Variants in LHX9 observed in about 807,000 individuals in gnomAD.
LHX9 encodes the protein LIM/homeobox protein Lhx9.
Under a neutral mutation model 36.5 loss-of-function variants are expected in LHX9, and 9 were observed. The observed-to-expected ratio is 0.25, with a 90% CI of 0.15 to 0.43. LHX9 has a LOEUF of 0.43. Among genes scored for constraint, LHX9 ranks in the 20% least tolerant of loss-of-function variants. LHX9 has a pLI of 1.00. For synonymous variants in LHX9, 211 were observed against 212.1 expected (o/e 0.99, Z 0.04); for missense variants, 464 against 526.4 (o/e 0.88, Z 1.16).
At chr1:197,912,798 C>T, upstream of LHX9, 1 of 569,374 alleles carries the variant, frequency 1.8e-6, no homozygotes, top group Non-Finnish European at 3.1e-6. Flanking sequence ...TTTGACTTTC[C>T]TCAGGATCAG....
At chr1:197,922,015 A>G (rs1342597517) in intron 3 of LHX9, among the ~76,000 whole-genome samples, 1 of 152,012 alleles carries the variant, frequency 6.6e-6, no homozygotes, top group Non-Finnish European at 1.5e-5. Flanking sequence ...TGTGGAGGCC[A>G]AATTATAGAT....
chr1:197,929,483 G>A lies in LHX9; in HGVS notation c.*224G>A. On this transcript the variant is annotated 3_prime_UTR_variant, in exon 5 of 5. Transcript: ENST00000367387. ...ATATTTTGTCTACAAAGTGTATTTG[G>A]ATTTAAAAAAATTAATTAGGTCTTT... 1 of 1,027,006 alleles carries A rather than the reference G, an allele frequency of 9.7e-7. No homozygotes were observed. Among genetic ancestry groups the A allele is most frequent in the Non-Finnish European group, 1.2e-6 (1 of 853,158 alleles). 63.6% of individuals were successfully genotyped at this position (1,027,006 alleles called of 1,614,324 possible).
intron 1 of LHX9, chr1:197,918,334 T>A (rs778835204): frequency 2.8e-6 from 2 of 717,360 alleles, no homozygotes; most frequent in East Asian, 2.7e-5. Context: ...CCGGCGAGGA[T>A]CCGCAGCTCC....
chr1:197,924,103 C>T (rs893393693), intron 3 of LHX9, among the ~76,000 whole-genome samples: 7 of 152,226 alleles, frequency 4.6e-5, no homozygotes, highest in African/African-American at 9.6e-5. Context: ...ACAGTGCTTG[C>T]GAATCTGATG....
chr1:197,927,656 A>C lies in LHX9; in HGVS notation c.799A>C (p.Thr267Pro). 1.2e-6 allele frequency: 2 copies of C among 1,614,180 alleles called. No individual in the cohort carries two copies. Among genetic ancestry groups the C allele is most frequent in the Non-Finnish European group, 1.7e-6 (2 of 1,180,028 alleles). The change falls in exon 4 of 5, where the codon ACC becomes CCC. Residue 267 changes from threonine to proline, a missense_variant. Coordinates refer to ENST00000367387, the MANE Select transcript of LHX9 (RefSeq NM_020204.3). ...GCAGCCTTATCCACCCTCGCAGAAG[A>C]CCAAGCGCATGCGAACCTCTTTCAA... Reference protein sequence around the residue: ...DQQPYPPSQKTKRMRTSFKHH... With the variant: ...DQQPYPPSQKPKRMRTSFKHH...
At chr1:197,922,516 C>T (rs1048033738) in intron 3 of LHX9, among the ~76,000 whole-genome samples, 2 of 152,198 alleles carry the variant, frequency 1.3e-5, no homozygotes, top group Non-Finnish European at 2.9e-5. Flanking sequence ...AGCCTGCCCC[C>T]ACTCCCCATC....
In LHX9 at chr1:197,920,015, G is replaced by A; in HGVS notation, c.218G>A (p.Gly73Asp). The A allele has an allele frequency of 6.2e-7, 1 of 1,614,222 alleles. No individual in the cohort carries two copies. The highest frequency in any genetic ancestry group is 8.5e-7 in the Non-Finnish European group (1 of 1,180,052). Residue 73 changes from glycine to aspartate, a missense_variant, in exon 2 of 5, where the codon GGC becomes GAC. Gly to Asp is a moderately conservative substitution (Grantham distance 94). This residue lies in a region of LHX9 where 93 missense variants were observed against 150.3 expected (regional missense o/e 0.62). Transcript: ENST00000367387. ...CCGGAGAAGCCCGCCCTGTGCGCCG[G>A]CTGCGGGGGCAAGATCTCGGACAGG... is the stretch of plus-strand genomic sequence containing the variant. ...LSPEKPALCA[G>D]CGGKISDRYY...
At position 197,932,143 on chromosome 1, in the gene LHX9, A is replaced by G; in HGVS notation, c.*2884A>G. 1.9e-6 allele frequency: 1 copy of G among 539,044 alleles called. No individual in the cohort carries two copies. The highest frequency in any genetic ancestry group is 3.3e-6 in the Non-Finnish European group (1 of 303,616). The allele number at this position is 539,044 out of a possible 1,614,324, so 33.4% of individuals were successfully genotyped here. ...AATGTTAACGAAACTTGTGTTCTTT[A>G]TGGTGTCTAACACAACTGAAGGCCT... On this transcript the variant is annotated 3_prime_UTR_variant, in exon 5 of 5. Coordinates refer to ENST00000367387, the MANE Select transcript of LHX9 (RefSeq NM_020204.3).
At position 197,932,176 on chromosome 1, in the gene LHX9, T is replaced by C; in HGVS notation, c.*2917T>C. ...TAACACAACTGAAGGCCTAAAATTATGTGGTTTAAACAAAATTAGATAAAC... is the reference window on the plus strand; with the variant it reads ...TAACACAACTGAAGGCCTAAAATTACGTGGTTTAAACAAAATTAGATAAAC... On this transcript the variant is annotated 3_prime_UTR_variant, in exon 5 of 5. Transcript: ENST00000367387. The C allele has an allele frequency of 2.3e-6, 1 of 437,470 alleles. No individual in the cohort carries two copies. Among genetic ancestry groups the C allele is most frequent in the Non-Finnish European group, 4.1e-6 (1 of 244,322 alleles). 27.1% of individuals were successfully genotyped at this position (437,470 alleles called of 1,614,324 possible).
intron 4 of LHX9, among the ~76,000 whole-genome samples, chr1:197,928,527 A>T (rs1660217023): frequency 6.6e-6 from 1 of 152,212 alleles, no homozygotes; most frequent in African/African-American, 2.4e-5. Flanking sequence ...TGTGAAGAAT[A>T]TATACCGTGT....
At position 197,918,013 on chromosome 1, in the gene LHX9, G is replaced by C. The variant is rs1243711522; in HGVS notation, c.174+16G>C. 1 of 1,604,408 alleles carries C rather than the reference G, an allele frequency of 6.2e-7. No individual in the cohort carries two copies. The highest frequency in any genetic ancestry group is 1.7e-5 in the Admixed American group (1 of 57,538). ...CCGCGACGCGGTAAGGAAGGGCTCCGCCGCGGCGGTAGCCGGGCACCCCTG... is the reference window on the plus strand; with the variant it reads ...CCGCGACGCGGTAAGGAAGGGCTCCCCCGCGGCGGTAGCCGGGCACCCCTG... On this transcript the variant is annotated intron_variant, in intron 1 of 4. Coordinates refer to ENST00000367387, the MANE Select transcript of LHX9 (RefSeq NM_020204.3).
rs1478252562 is a variant in LHX9 at position 197,921,391 on chromosome 1, C to T, written c.465C>T (p.His155=). Residue 155 remains histidine, a synonymous_variant, in exon 3 of 5, where the codon CAC becomes CAT. Transcript: ENST00000367387. The surrounding 1 kb of genome is among the most constrained non-coding windows in gnomAD (Gnocchi z 4.6). ...TGCGCGCCCGAGACTCTGTCTACCA[C>T]CTGAGCTGCTTCACCTGCTCCACTT... ...MVMRARDSVY[H]LSCFTCSTCN... 4.3e-6 allele frequency: 7 copies of T among 1,614,236 alleles called. No homozygotes were observed. The highest frequency in any genetic ancestry group is 5.9e-6 in the Non-Finnish European group (7 of 1,180,052).
chr1:197,917,415 C>T lies in LHX9; in HGVS notation c.-409C>T. 2 of 1,309,766 alleles carry T rather than the reference C, an allele frequency of 1.5e-6. No individual in the cohort carries two copies. The highest frequency in any genetic ancestry group is 2.0e-6 in the Non-Finnish European group (2 of 992,774). 81.1% of individuals were successfully genotyped at this position (1,309,766 alleles called of 1,614,324 possible). A position where few individuals can be genotyped will look rare whatever the true frequency, so the allele number is the denominator to read the frequency against. On this transcript the variant is annotated 5_prime_UTR_variant, in exon 1 of 5. Coordinates refer to ENST00000367387, the MANE Select transcript of LHX9 (RefSeq NM_020204.3). ...CAGGCACTGGGAACTTGCAAGCAGC[C>T]AGGGAACGCTGAAAATAGCACGTCT... is the stretch of plus-strand genomic sequence containing the variant.
rs1437675228 is a variant in LHX9, at chr1:197,931,925, C to A, written c.*2666C>A. The stretch of plus-strand genomic sequence containing the variant: ...TCACTATGATTTTTTTCAGGGAGAA[C>A]AAATCTTGGGGCATTACAGCCAAAC... On this transcript the variant is annotated 3_prime_UTR_variant, in exon 5 of 5. Coordinates refer to ENST00000367387, the MANE Select transcript of LHX9 (RefSeq NM_020204.3). 1 of 1,547,468 alleles carries A rather than the reference C, an allele frequency of 6.5e-7. No homozygotes were observed. Among genetic ancestry groups the A allele is most frequent in the Admixed American group, 2.0e-5 (1 of 50,852 alleles).
At chr1:197,928,340 G>T (rs1660209777) in intron 4 of LHX9, among the ~76,000 whole-genome samples, 1 of 152,200 alleles carries the variant, frequency 6.6e-6, no homozygotes, top group Non-Finnish European at 1.5e-5. Context: ...TAGTTCTGCT[G>T]TCCAATTGAT....
intron 3 of LHX9, among the ~76,000 whole-genome samples, chr1:197,925,771 C>G (rs1319940346): frequency 6.6e-6 from 1 of 152,116 alleles, no homozygotes; most frequent in African/African-American, 2.4e-5. Context: ...TTTAGGAAGC[C>G]TATGTTTTAC....
At chr1:197,928,148 G>A (rs2102602046) in intron 4 of LHX9, among the ~76,000 whole-genome samples, 1 of 152,320 alleles carries the variant, frequency 6.6e-6, no homozygotes, top group South Asian at 2.1e-4. Context: ...GGACTTGAGA[G>A]GGACCTGTTG....
At chr1:197,928,965 A>C in intron 4 of LHX9, 37 bp from the exon 5 acceptor site, 1 of 1,473,596 alleles carries the variant, frequency 6.8e-7, no homozygotes, top group Non-Finnish European at 9.0e-7. Flanking sequence ...TATAAAAATG[A>C]ACATCGGTAA....
upstream of LHX9, chr1:197,916,810 G>C (rs1571396905): frequency 1.4e-6 from 1 of 702,726 alleles, no homozygotes; most frequent in Non-Finnish European, 2.6e-6. Context: ...GAGGAAGATG[G>C]GATGGGGAGG....
Sources: allele counts gnomAD v4.1 joint callset (sites outside exome capture counted in the v4.1 genomes callset), GRCh38; gene constraint gnomAD v4.1.1; regional missense constraint gnomAD v4.1.1; non-coding constraint Gnocchi (gnomAD v3.1); transcripts MANE v1.5; gene names NCBI Gene and HGNC (gene_info 2026-07-23, HGNC 2026-07-21).